The following GPC5 variants were observed in gnomAD, a reference collection of about 807,000 sequenced individuals.
GPC5 encodes glypican-5.
GPC5 carries 47 observed loss-of-function variants against 53.9 expected under a neutral mutation model. That is an observed-to-expected ratio of 0.87 (90% confidence interval 0.69 to 1.11). The LOEUF (loss-of-function observed/expected upper bound fraction) is 1.11. Ranked by LOEUF, GPC5 falls within the 50% of genes most tolerant of loss-of-function variation. The pLI is 0.00. For missense variants in GPC5, 748 were observed against 713.1 expected (o/e 1.05, Z -0.56); for synonymous variants, 286 against 263.3 (o/e 1.09, Z -0.84).
At chr13:91,884,646 A>G (rs1177619648) in intron 5 of GPC5, among the ~76,000 whole-genome samples, 1 of 152,210 alleles carries the variant, frequency 6.6e-6, no homozygotes, top group Admixed American at 6.5e-5. Context: ...CACTTGTGTA[A>G]TAAATAGCTG....
chr13:91,977,134 G>A (rs1003098507), intron 6 of GPC5, among the ~76,000 whole-genome samples: 5 of 151,848 alleles, frequency 3.3e-5, no homozygotes, highest in East Asian at 1.9e-4. Context: ...AGTAAACATC[G>A]TTCTATGGAC....
intron 2 of GPC5, among the ~76,000 whole-genome samples, chr13:91,686,011 A>C (rs1388287415): frequency 6.6e-6 from 1 of 151,834 alleles, no homozygotes; most frequent in African/African-American, 2.4e-5. Context: ...AAAAACATAA[A>C]GTTGTGAGTA....
At chr13:91,461,525 T>C (rs1368919311) in intron 2 of GPC5, among the ~76,000 whole-genome samples, 1 of 152,118 alleles carries the variant, frequency 6.6e-6, no homozygotes. Context: ...TATCCTTGCT[T>C]GTAGAATGGA....
chr13:91,457,724 G>A (rs1034592012), intron 2 of GPC5, among the ~76,000 whole-genome samples: 2 of 152,164 alleles, frequency 1.3e-5, no homozygotes, highest in East Asian at 3.9e-4. Context: ...TTGTATCTAT[G>A]ATGGTGTGAC....
chr13:92,706,683 G>A (rs1407908684), intron 7 of GPC5, among the ~76,000 whole-genome samples: 1 of 152,040 alleles, frequency 6.6e-6, no homozygotes, highest in East Asian at 1.9e-4. Flanking sequence ...CCCTGGTAAT[G>A]GAACACTCTA....
At chr13:91,597,047 C>T (rs2033020019) in intron 2 of GPC5, among the ~76,000 whole-genome samples, 1 of 152,202 alleles carries the variant, frequency 6.6e-6, no homozygotes, top group Non-Finnish European at 1.5e-5. Flanking sequence ...ATGAGCTCCT[C>T]TGCCCACTGC....
chr13:91,556,749 C>T (rs1053541592), intron 2 of GPC5, among the ~76,000 whole-genome samples: 4 of 151,790 alleles, frequency 2.6e-5, no homozygotes. Flanking sequence ...TGTTCTCACT[C>T]ATAAGTGGGA....
intron 7 of GPC5, among the ~76,000 whole-genome samples, chr13:92,146,395 T>C (rs1288723156): frequency 6.6e-6 from 1 of 152,164 alleles, no homozygotes; most frequent in Non-Finnish European, 1.5e-5. Context: ...AGGGCATGTA[T>C]TCTTAGTGGT....
At chr13:92,250,569 G>C (rs2042685353) in intron 7 of GPC5, among the ~76,000 whole-genome samples, 1 of 152,058 alleles carries the variant, frequency 6.6e-6, no homozygotes, top group Non-Finnish European at 1.5e-5. Flanking sequence ...AAAGTTGCAG[G>C]CCATTCCATG....
chr13:91,725,597 T>C (rs767367118), intron 3 of GPC5, among the ~76,000 whole-genome samples: 5 of 152,212 alleles, frequency 3.3e-5, no homozygotes, highest in Non-Finnish European at 7.3e-5. Context: ...TTGGATACAA[T>C]CAAAGATATC....
At chr13:92,592,372 C>G (rs571618478) in intron 7 of GPC5, among the ~76,000 whole-genome samples, 1 of 151,588 alleles carries the variant, frequency 6.6e-6, no homozygotes, top group East Asian at 1.9e-4. Context: ...GAAAGTGTTT[C>G]AAGAAGGAGA....
At chr13:92,073,903 T>G (rs1190113957) in intron 6 of GPC5, among the ~76,000 whole-genome samples, 1 of 152,164 alleles carries the variant, frequency 6.6e-6, no homozygotes, top group East Asian at 1.9e-4. Flanking sequence ...GCTGTTCTTG[T>G]GATAGTGAGT....
chr13:92,497,619 G>GT (rs960404293), intron 7 of GPC5, among the ~76,000 whole-genome samples: 6 of 151,416 alleles, frequency 4.0e-5, no homozygotes, highest in South Asian at 2.2e-4. Flanking sequence ...ATTTAAAGTT[G>GT]TTTTTTTTCT....
At chr13:91,926,321 A>G (rs1259194605) in intron 6 of GPC5, among the ~76,000 whole-genome samples, 1 of 147,516 alleles carries the variant, frequency 6.8e-6, no homozygotes, top group East Asian at 2.0e-4. Context: ...AGATCGCACC[A>G]CTGTACTCCA....
At chr13:91,494,349 T>TTATTATTA (rs781772788) in intron 2 of GPC5, among the ~76,000 whole-genome samples, 134 of 74,346 alleles carry the variant, frequency 1.8e-3, no homozygotes, top group African/African-American at 5.2e-3. Flanking sequence ...TATTATTATT[T>TTATTATTA]TTATTAATTA....
At chr13:92,636,575 T>A (rs1234564526) in intron 7 of GPC5, among the ~76,000 whole-genome samples, 1 of 152,180 alleles carries the variant, frequency 6.6e-6, no homozygotes, top group Non-Finnish European at 1.5e-5. Context: ...GAATGTTGTA[T>A]TAAGTGCAGG....
intron 1 of GPC5, among the ~76,000 whole-genome samples, chr13:91,428,867 TA>T (rs1879238486): frequency 1.3e-5 from 2 of 152,174 alleles, no homozygotes; most frequent in Non-Finnish European, 2.9e-5. Context: ...AATCTTGTTT[TA>T]CTTATAGTAT....
At chr13:92,670,315 G>A (rs1313380174) in intron 7 of GPC5, among the ~76,000 whole-genome samples, 1 of 152,166 alleles carries the variant, frequency 6.6e-6, no homozygotes, top group African/African-American at 2.4e-5. Flanking sequence ...GCATCCAAAG[G>A]CTAGGGAAGT....
intron 7 of GPC5, among the ~76,000 whole-genome samples, chr13:92,528,240 T>G (rs1881434520): frequency 6.6e-6 from 1 of 152,128 alleles, no homozygotes; most frequent in Admixed American, 6.6e-5. Flanking sequence ...TTTCTATTTC[T>G]GATTGTCTTA....
Sources: gnomAD v4.1 joint callset for allele counts (sites outside exome capture counted in the v4.1 genomes callset) on GRCh38, gnomAD v4.1.1 for gene constraint, MANE v1.5 for transcripts, NCBI Gene and HGNC (gene_info 2026-07-23, HGNC 2026-07-21) for gene names.